ZNF462: variants seen among roughly 807,000 people sequenced by gnomAD.
ZNF462 encodes zinc finger protein 462.
Under a neutral mutation model 201.9 loss-of-function variants are expected in ZNF462, and 10 were observed. The ratio of observed to expected loss-of-function variants is 0.05; its 90% CI spans 0.03 to 0.08. ZNF462 has a LOEUF of 0.08. ZNF462 is among the 10% of genes least tolerant of loss of function. The pLI, the probability that ZNF462 is intolerant of heterozygous loss-of-function variation, is 1.00. For missense variants in ZNF462, 2,523 were observed against 3,168.3 expected (o/e 0.80, Z 4.89); for synonymous variants, 1,227 against 1,193.3 (o/e 1.03, Z -0.58).
At chr9:106,942,255 G>A (rs752765592) in intron 7 of ZNF462, among the ~76,000 whole-genome samples, 3 of 152,232 alleles carry the variant, frequency 2.0e-5, no homozygotes, top group African/African-American at 2.4e-5. Context: ...GAGGGAAACA[G>A]CCTGAAAAGG....
intron 7 of ZNF462, among the ~76,000 whole-genome samples, chr9:106,951,072 A>G (rs1355722296): frequency 6.6e-6 from 1 of 151,406 alleles, no homozygotes; most frequent in East Asian, 1.9e-4. Context: ...CCTGGGCAAC[A>G]GAGTGAAACT....
intron 1 of ZNF462, among the ~76,000 whole-genome samples, chr9:106,921,458 C>T (rs1161432522): frequency 1.3e-5 from 2 of 152,174 alleles, no homozygotes; most frequent in Admixed American, 6.5e-5. Flanking sequence ...CCAGGAGAAG[C>T]CATGTTGTGC....
At chr9:106,992,411 A>C (rs1176153821) in intron 10 of ZNF462, among the ~76,000 whole-genome samples, 1 of 152,136 alleles carries the variant, frequency 6.6e-6, no homozygotes, top group African/African-American at 2.4e-5. Context: ...GTAAAATACC[A>C]TAGCCACTTC....
chr9:106,990,047 G>A (rs2132381654), intron 10 of ZNF462, among the ~76,000 whole-genome samples: 1 of 151,704 alleles, frequency 6.6e-6, no homozygotes, highest in East Asian at 1.9e-4. Flanking sequence ...ATTTCATTTA[G>A]TTCTGCTCTG....
At chr9:106,910,765 A>T (rs1458872069) in intron 1 of ZNF462, among the ~76,000 whole-genome samples, 2 of 151,492 alleles carry the variant, frequency 1.3e-5, no homozygotes, top group Non-Finnish European at 2.9e-5. Context: ...ATTAGCCACC[A>T]TTTTTTTCTG....
chr9:106,908,941 A>ATATATT (rs1554699410), intron 1 of ZNF462, among the ~76,000 whole-genome samples: 3 of 25,350 alleles, frequency 1.2e-4, no homozygotes, highest in Admixed American at 7.1e-4. Flanking sequence ...ATATATATAT[A>ATATATT]TTTTTTTTTT....
At chr9:106,953,779 T>C (rs1024759430) in intron 7 of ZNF462, among the ~76,000 whole-genome samples, 4 of 152,080 alleles carry the variant, frequency 2.6e-5, no homozygotes, top group Admixed American at 2.6e-4. Flanking sequence ...CACCTGCGGG[T>C]CTCATTCAAC....
At chr9:106,998,554 C>T (rs997225154) in intron 10 of ZNF462, among the ~76,000 whole-genome samples, 2 of 152,076 alleles carry the variant, frequency 1.3e-5, no homozygotes, top group Admixed American at 6.6e-5. Flanking sequence ...GCAGTGTCCT[C>T]ACTTCATTGT....
At position 106,930,315 on chromosome 9, in the gene ZNF462, G is replaced by A. The variant is rs868333789; in HGVS notation, c.5848-210G>A. Among the ~76,000 whole-genome samples, 49 of 152,286 alleles carry A rather than the reference G, an allele frequency of 3.2e-4. No homozygotes were observed. The highest frequency in any genetic ancestry group is 9.6e-4 in the African/African-American group (40 of 41,566). On this transcript the variant is annotated intron_variant, in intron 3 of 12. Coordinates refer to ENST00000277225, the MANE Select transcript of ZNF462 (RefSeq NM_021224.6). The surrounding 1 kb of genome is among the most constrained non-coding windows in gnomAD (Gnocchi z 5.8). ...CAGAAATCTTCTCTACTCACAAGCC[G>A]TAATGTATTTGGGTTTCAAAGACTT...
chr9:106,860,538 A>C (rs1827038926), upstream of ZNF462, among the ~76,000 whole-genome samples: 1 of 152,118 alleles, frequency 6.6e-6, no homozygotes, highest in African/African-American at 2.4e-5. The surrounding 1 kb of genome is among the most constrained non-coding windows in gnomAD (Gnocchi z 7.1). Context: ...CTTACGACCC[A>C]AGCCAACCCA....
rs1831274728 is a variant in ZNF462 at position 106,950,068 on chromosome 9, C to T, written c.6427+10961C>T. Among the ~76,000 whole-genome samples the T allele has an allele frequency of 1.3e-5, 2 of 152,212 alleles. No individual in the cohort carries two copies. The highest frequency in any genetic ancestry group is 2.1e-4 in the South Asian group (1 of 4,822). On this transcript the variant is annotated intron_variant, in intron 7 of 12. Coordinates refer to ENST00000277225, the MANE Select transcript of ZNF462 (RefSeq NM_021224.6). The surrounding 1 kb of genome is among the most constrained non-coding windows in gnomAD (Gnocchi z 4.1). Reference sequence around the variant, plus strand: ...CTGGTTTCTCTCGTCCCCTCGTCCTCTGGTTTCCAACTTACCAGACTCCAA... The same window carrying T: ...CTGGTTTCTCTCGTCCCCTCGTCCTTTGGTTTCCAACTTACCAGACTCCAA...
At chr9:106,943,462 TGAC>T (rs1564122288) in intron 7 of ZNF462, among the ~76,000 whole-genome samples, 3 of 152,218 alleles carry the variant, frequency 2.0e-5, no homozygotes, top group Non-Finnish European at 4.4e-5. Flanking sequence ...TAGCAAATAC[TGAC>T]ATTCCTACCA....
Position 106,905,784 on chromosome 9 carries a change from C to A in ZNF462, c.-30-17570C>A, listed in dbSNP as rs114978561. Reference sequence around the variant, plus strand: ...CCCGAGTCTGTTTCCAGGTGGAGGGCGAGATGGGCTTGAAAATTTCTCTGA... The same window carrying A: ...CCCGAGTCTGTTTCCAGGTGGAGGGAGAGATGGGCTTGAAAATTTCTCTGA... On this transcript the variant is annotated intron_variant, in intron 1 of 12. Transcript: ENST00000277225. The surrounding 1 kb of genome is among the most constrained non-coding windows in gnomAD (Gnocchi z 5.9). 0.015 allele frequency among the ~76,000 whole-genome samples: 2,274 copies of A among 152,116 alleles called. 51 individuals are homozygous for A. The highest frequency in any genetic ancestry group is 0.052 in the African/African-American group (2,156 of 41,492).
At chr9:106,877,855 A>G (rs1311857214) in intron 1 of ZNF462, among the ~76,000 whole-genome samples, 2 of 152,144 alleles carry the variant, frequency 1.3e-5, no homozygotes, top group East Asian at 1.9e-4. Context: ...AAACTAAAGG[A>G]GTAGAGATGT....
In ZNF462 at chr9:106,863,182, G is replaced by A. The variant is rs1587959090; in HGVS notation, c.-204G>A. On this transcript the variant is annotated 5_prime_UTR_variant, in exon 1 of 13. Coordinates refer to ENST00000277225, the MANE Select transcript of ZNF462 (RefSeq NM_021224.6). ...AGCTGCAGCGAGTCTGAGGAGCCGA[G>A]GAAGGCAGGGAAGATGGCGATCCTC... The A allele has an allele frequency of 1.0e-5, 4 of 399,124 alleles. No individual in the cohort carries two copies. The East Asian group carries it at 1.4e-4, about 14-fold the overall frequency. The allele number at this position is 399,124 out of a possible 1,614,324, so 24.7% of individuals were successfully genotyped here.
In ZNF462 at chr9:106,872,055, G is replaced by A. The variant is rs937631794; in HGVS notation, c.-31+8700G>A. The stretch of plus-strand genomic sequence containing the variant: ...TTAAAATCCAAAATAAGGCCACTGT[G>A]GTCCAGAATGTTTAGCCATTCTAAT... On this transcript the variant is annotated intron_variant, in intron 1 of 12. Transcript: ENST00000277225. The surrounding 1 kb of genome is among the most constrained non-coding windows in gnomAD (Gnocchi z 4.5). 6.6e-6 allele frequency among the ~76,000 whole-genome samples: 1 copy of A among 152,148 alleles called. No homozygotes were observed. Among genetic ancestry groups the A allele is most frequent in the South Asian group, 2.1e-4 (1 of 4,822 alleles).
rs1830387239 is a variant in ZNF462 at position 106,930,652 on chromosome 9, A to G, written c.5975A>G (p.Gln1992Arg). Residue 1992 changes from glutamine to arginine, a missense_variant, in exon 4 of 13, where the codon CAG (glutamine) becomes CGG (arginine). Gln to Arg is a conservative substitution (Grantham distance 43, BLOSUM62 1). This residue lies in a region of ZNF462 where 107 missense variants were observed against 187.7 expected (regional missense o/e 0.57). Coordinates refer to ENST00000277225, the MANE Select transcript of ZNF462 (RefSeq NM_021224.6). This position sits in a 1 kb window ranked among gnomAD's most constrained non-coding sequence, Gnocchi z 5.8. ...AICNHLRKHVQYGNVPAVSAA... is the reference protein window; with the variant it reads ...AICNHLRKHVRYGNVPAVSAA... The stretch of plus-strand genomic sequence containing the variant: ...TGCAATCACCTCCGAAAGCACGTCC[A>G]GTATGGCAATGTCCCAGCTGTGTCA... The G allele has an allele frequency of 3.1e-6, 5 of 1,614,202 alleles. No homozygotes were observed. The highest frequency in any genetic ancestry group is 4.2e-6 in the Non-Finnish European group (5 of 1,180,034).
chr9:107,007,010 A>G (rs1298166804), intron 11 of ZNF462, among the ~76,000 whole-genome samples: 1 of 151,948 alleles, frequency 6.6e-6, no homozygotes, highest in Non-Finnish European at 1.5e-5. Flanking sequence ...ATGATTTCTT[A>G]ACATCTCTGC....
Position 106,916,178 on chromosome 9 carries a change from A to G in ZNF462, c.-30-7176A>G, listed in dbSNP as rs573201913. 2.2e-4 allele frequency among the ~76,000 whole-genome samples: 34 copies of G among 152,288 alleles called. 1 individual carries two copies. The South Asian group carries it at 6.6e-3, about 30-fold the overall frequency. On this transcript the variant is annotated intron_variant, in intron 1 of 12. Transcript: ENST00000277225. ...TAGAAAACAAGGTAAGTTGTTAAAA[A>G]TGGTTTCTGGATTCATTCACTGAAT...
Sources: gnomAD v4.1 joint callset for allele counts (sites outside exome capture counted in the v4.1 genomes callset) on GRCh38, gnomAD v4.1.1 for gene constraint, gnomAD v4.1.1 regional missense constraint, Gnocchi (gnomAD v3.1) non-coding constraint, MANE v1.5 for transcripts, NCBI Gene and HGNC (gene_info 2026-07-23, HGNC 2026-07-21) for gene names.